The following VPS13B variants were observed in gnomAD, a reference collection of about 807,000 sequenced individuals.
VPS13B encodes vacuolar protein sorting 13 homolog B.
VPS13B carries 285 observed loss-of-function variants against 426.4 expected under a neutral mutation model. The observed-to-expected ratio is 0.67, with a 90% confidence interval of 0.61 to 0.74. The LOEUF is 0.74. VPS13B is among the 30% of genes least tolerant of loss of function. The pLI, the probability that VPS13B is intolerant of heterozygous loss-of-function variation, is 0.00. For missense variants in VPS13B, 4,537 were observed against 4,782.6 expected, an observed-to-expected ratio of 0.95 and a Z score of 1.51; for synonymous variants, 1,676 against 1,676.4, an observed-to-expected ratio of 1.00 and a Z score of 0.01.
At chr8:99,690,684 A>T (rs1199267795) in intron 35 of VPS13B, among the ~76,000 whole-genome samples, 1 of 152,158 alleles carries the variant, frequency 6.6e-6, no homozygotes, top group Non-Finnish European at 1.5e-5. Flanking sequence ...ACAAATAACC[A>T]AATTTAAAAA....
rs766484806 is a variant in VPS13B at position 99,809,401 on chromosome 8, G to A, written c.7968G>A (p.Trp2656Ter). 3 of 1,613,774 alleles carry A rather than the reference G, an allele frequency of 1.9e-6. No individual in the cohort carries two copies. The highest frequency in any genetic ancestry group is 1.7e-5 in the Admixed American group (1 of 59,986). ...PQLLHICIEG[W>*]GNWRWSEPFS... ...TGTTACACATCTGTATTGAAGGTTG[G>A]GGCAACTGGCGTTGGTCAGAGCCTT... The change falls in exon 44 of 62, where the codon TGG (tryptophan) becomes TGA (stop). Residue 2656 changes from tryptophan to a stop codon, truncating the protein, a stop_gained. Coordinates refer to ENST00000357162, the MANE Select transcript of VPS13B (RefSeq NM_152564.5). LOFTEE classifies it high-confidence loss of function.
intron 15 of VPS13B, among the ~76,000 whole-genome samples, chr8:99,167,948 G>A (rs1812106697): frequency 6.6e-6 from 1 of 152,122 alleles, no homozygotes; most frequent in Admixed American, 6.6e-5. Context: ...TACACTGCTG[G>A]TTCTGCTTTT....
intron 33 of VPS13B, among the ~76,000 whole-genome samples, chr8:99,578,847 T>G (rs955372960): frequency 6.6e-6 from 1 of 152,162 alleles, no homozygotes. Context: ...ACTTAGCAAA[T>G]TGGTTATTAA....
intron 7 of VPS13B, among the ~76,000 whole-genome samples, chr8:99,117,348 G>A (rs995574220): frequency 6.6e-6 from 1 of 152,126 alleles, no homozygotes; most frequent in East Asian, 1.9e-4. Flanking sequence ...TGTTGGGAGT[G>A]TAAAATGGTA....
intron 19 of VPS13B, among the ~76,000 whole-genome samples, chr8:99,323,102 CTT>C (rs1481866479): frequency 6.6e-6 from 1 of 152,192 alleles, no homozygotes; most frequent in African/African-American, 2.4e-5. Flanking sequence ...AGTTCGTACT[CTT>C]TCGTTCCTTT....
intron 19 of VPS13B, among the ~76,000 whole-genome samples, chr8:99,365,395 T>C (rs1812805662): frequency 6.6e-6 from 1 of 151,914 alleles, no homozygotes; most frequent in African/African-American, 2.4e-5. Context: ...TTTTGATGTA[T>C]TTGTTTATAG....
At chr8:99,340,717 AGCCTGGGGCATGCTAGTAGATGTG>A in intron 19 of VPS13B, 1 of 363,000 alleles carries the variant, frequency 2.8e-6, no homozygotes, top group Non-Finnish European at 5.4e-6. Context: ...GTTCAGGAGC[AGCCTGGGGCATGCTAGTAGATGTG>A]GCCTGCTGCT....
chr8:99,309,429 T>G (rs2133093247), intron 19 of VPS13B, among the ~76,000 whole-genome samples: 1 of 152,340 alleles, frequency 6.6e-6, no homozygotes, highest in Non-Finnish European at 1.5e-5. Context: ...CACCATTTAT[T>G]AAATAGGGAA....
chr8:99,802,204 G>A (rs1466524641), intron 43 of VPS13B, among the ~76,000 whole-genome samples: 1 of 150,610 alleles, frequency 6.6e-6, no homozygotes, highest in African/African-American at 2.4e-5. Context: ...TCACATAATT[G>A]CATTAAATGG....
chr8:99,546,096 T>C (rs1823957556), intron 30 of VPS13B, among the ~76,000 whole-genome samples: 2 of 152,102 alleles, frequency 1.3e-5, no homozygotes, highest in South Asian at 2.1e-4. Flanking sequence ...TTAATGATTA[T>C]TGTAAGTTTG....
chr8:99,067,293 C>T (rs1844580203), intron 3 of VPS13B, among the ~76,000 whole-genome samples: 1 of 152,134 alleles, frequency 6.6e-6, no homozygotes, highest in Non-Finnish European at 1.5e-5. Flanking sequence ...CACATATACA[C>T]CATGGAATAC....
chr8:99,381,657 T>C (rs746464357), intron 19 of VPS13B, among the ~76,000 whole-genome samples: 1 of 152,186 alleles, frequency 6.6e-6, no homozygotes, highest in Non-Finnish European at 1.5e-5. Context: ...TAATGATCAA[T>C]GATGTTGAGT....
chr8:99,201,988 A>T (rs1036772145), intron 17 of VPS13B, among the ~76,000 whole-genome samples: 3 of 152,228 alleles, frequency 2.0e-5, no homozygotes, highest in East Asian at 3.9e-4. Context: ...TGCAAATGCC[A>T]AATATATTAT....
At chr8:99,385,716 A>G (rs915966600) in intron 20 of VPS13B, among the ~76,000 whole-genome samples, 1 of 152,208 alleles carries the variant, frequency 6.6e-6, no homozygotes, top group Non-Finnish European at 1.5e-5. Flanking sequence ...TTATGTGAAA[A>G]CAAGAGGAAT....
At chr8:99,604,612 GCCTCA>G (rs1827486537) in intron 33 of VPS13B, among the ~76,000 whole-genome samples, 1 of 147,708 alleles carries the variant, frequency 6.8e-6, no homozygotes, top group African/African-American at 2.5e-5. Context: ...CCATTCTCCT[GCCTCA>G]GCCTCCTGAG....
chr8:99,147,922 G>T lies in VPS13B; in HGVS notation c.1925G>T (p.Ser642Ile), dbSNP rs1007410442. 6.2e-7 allele frequency: 1 copy of T among 1,613,568 alleles called. No individual in the cohort carries two copies. Among genetic ancestry groups the T allele is most frequent in the African/African-American group, 1.3e-5 (1 of 74,858 alleles). Residue 642 changes from serine (S) to isoleucine (I), a missense_variant, in exon 14 of 62, where the codon AGT becomes ATT. By Grantham distance (142) the Ser-to-Ile change is moderately radical. Transcript: ENST00000357162. ...LEEYIPTRHTSVTLLKCTCTI... is the reference protein window; with the variant it reads ...LEEYIPTRHTIVTLLKCTCTI... ...GAATATATTCCTACTCGACATACAA[G>T]TGTTACTCTCCTCAAATGTACCTGC... is the stretch of plus-strand genomic sequence containing the variant.
intron 23 of VPS13B, among the ~76,000 whole-genome samples, chr8:99,461,229 G>A (rs1302959222): frequency 2.0e-5 from 3 of 151,910 alleles, no homozygotes; most frequent in African/African-American, 7.3e-5. Flanking sequence ...CCCATTACGA[G>A]TAAGGAAATG....
intron 35 of VPS13B, among the ~76,000 whole-genome samples, chr8:99,689,190 T>C (rs1831542754): frequency 6.6e-6 from 1 of 152,036 alleles, no homozygotes; most frequent in African/African-American, 2.4e-5. Flanking sequence ...CTTGTTAATC[T>C]CTAAGAGTTT....
At chr8:99,065,534 C>T (rs1844439084) in intron 3 of VPS13B, among the ~76,000 whole-genome samples, 1 of 152,076 alleles carries the variant, frequency 6.6e-6, no homozygotes, top group Non-Finnish European at 1.5e-5. Flanking sequence ...TATGACAAAC[C>T]CACAGCCAAT....
Sources: allele counts gnomAD v4.1 joint callset (sites outside exome capture counted in the v4.1 genomes callset), GRCh38; gene constraint gnomAD v4.1.1; transcripts MANE v1.5; gene names NCBI Gene and HGNC (gene_info 2026-07-23, HGNC 2026-07-21).